RNF115: variants seen among roughly 807,000 people sequenced by gnomAD.
RNF115 encodes ring finger protein 115, also known as E3 ubiquitin-protein ligase RNF115.
Under a neutral mutation model 39.2 loss-of-function variants are expected in RNF115, and 31 were observed. The ratio of observed to expected loss-of-function variants is 0.79; its 90% CI spans 0.59 to 1.07. RNF115 has a LOEUF of 1.07. Ranked by LOEUF, RNF115 falls within the 50% of genes least tolerant of loss-of-function variation. RNF115 has a pLI of 0.00. For synonymous variants in RNF115, 124 were observed against 131.0 expected (o/e 0.95, Z 0.37); for missense variants, 384 against 381.7 (o/e 1.01, Z -0.05).
chr1:145,801,394 G>A (rs1006603482), intron 1 of RNF115, among the ~76,000 whole-genome samples: 9 of 151,558 alleles, frequency 5.9e-5, no homozygotes, highest in Non-Finnish European at 8.8e-5. Context: ...GCAAAACCCC[G>A]TCTCTACTAA....
intron 2 of RNF115, among the ~76,000 whole-genome samples, chr1:145,786,547 A>G (rs1648388418): frequency 1.3e-5 from 2 of 152,248 alleles, no homozygotes; most frequent in African/African-American, 4.8e-5. Context: ...AAAAGAATTA[A>G]GAACAAAAAC....
chr1:145,811,160 G>A (rs1448920437), intron 1 of RNF115, among the ~76,000 whole-genome samples: 25 of 151,796 alleles, frequency 1.6e-4, no homozygotes, highest in East Asian at 3.9e-4. Context: ...GTAAGCCACC[G>A]TGCCCAGTCC....
At position 145,739,019 on chromosome 1, in the gene RNF115, T is replaced by A. The variant is rs1386644764; in HGVS notation, c.*7847A>T. 6.5e-6 allele frequency: 1 copy of A among 153,788 alleles called. No homozygotes were observed. The highest frequency in any genetic ancestry group is 1.7e-4 in the East Asian group (1 of 5,740). The allele number at this position is 153,788 out of a possible 1,614,324, so 9.5% of individuals were successfully genotyped here. On this transcript the variant is annotated 3_prime_UTR_variant, in exon 9 of 9. Coordinates refer to ENST00000582693, the MANE Select transcript of RNF115 (RefSeq NM_014455.4). ...AGACAGACCTCAACATTCAACAACATCCATACAGCACTGCTGGAGGAAGAG... is the reference window on the plus strand; with the variant it reads ...AGACAGACCTCAACATTCAACAACAACCATACAGCACTGCTGGAGGAAGAG...
At chr1:145,784,083 T>G (rs1406377172) in intron 3 of RNF115, among the ~76,000 whole-genome samples, 1 of 152,144 alleles carries the variant, frequency 6.6e-6, no homozygotes, top group Non-Finnish European at 1.5e-5. Flanking sequence ...AACTACTGTG[T>G]TGACTAGAGG....
At chr1:145,764,431 G>C (rs925835720) in intron 4 of RNF115, among the ~76,000 whole-genome samples, 1 of 151,108 alleles carries the variant, frequency 6.6e-6, no homozygotes, top group Admixed American at 6.6e-5. Context: ...GAGATGTGGG[G>C]AGCGCCTCGG....
intron 3 of RNF115, among the ~76,000 whole-genome samples, chr1:145,782,911 G>C (rs1648212927): frequency 6.6e-6 from 1 of 152,182 alleles, no homozygotes; most frequent in African/African-American, 2.4e-5. Context: ...ACCCAGGCTG[G>C]AGTGCAGTAG....
chr1:145,768,057 C>A (rs587747284), intron 4 of RNF115, among the ~76,000 whole-genome samples: 2 of 152,302 alleles, frequency 1.3e-5, no homozygotes, highest in African/African-American at 4.8e-5. Context: ...AAACAAAGGC[C>A]CAGCGAGGTC....
intron 1 of RNF115, among the ~76,000 whole-genome samples, chr1:145,814,298 AT>A (rs782438011): frequency 0.014 from 2,049 of 149,942 alleles, no homozygotes; most frequent in African/African-American, 0.048. Context: ...ACTTTGCCAA[AT>A]GTTCCCTGGG....
At chr1:145,780,781 CTCT>C (rs1648107913) in intron 3 of RNF115, among the ~76,000 whole-genome samples, 1 of 152,046 alleles carries the variant, frequency 6.6e-6, no homozygotes, top group African/African-American at 2.4e-5. Context: ...TACCTGAGAG[CTCT>C]TTTTTCCAGA....
chr1:145,752,869 G>A (rs1210820285), intron 5 of RNF115, 109 bp downstream of exon 5: 2 of 741,192 alleles, frequency 2.7e-6, no homozygotes, highest in African/African-American at 1.8e-5. Context: ...TTAGAGGCAT[G>A]AGCCACCGCA....
At chr1:145,750,270 G>A in intron 7 of RNF115, 137 bp downstream of exon 7, 1 of 686,148 alleles carries the variant, frequency 1.5e-6, no homozygotes. Flanking sequence ...CCTTAATATA[G>A]GAAGGTATTG....
At chr1:145,791,910 CTTT>C (rs1415068114) in intron 1 of RNF115, among the ~76,000 whole-genome samples, 1 of 151,862 alleles carries the variant, frequency 6.6e-6, no homozygotes, top group Non-Finnish European at 1.5e-5. Flanking sequence ...CATTTTGTTT[CTTT>C]TTTATTTTTT....
chr1:145,766,640 C>A (rs1647295338), intron 4 of RNF115, among the ~76,000 whole-genome samples: 1 of 149,652 alleles, frequency 6.7e-6, no homozygotes, highest in Non-Finnish European at 1.5e-5. Context: ...CCCCCACCTC[C>A]CTCCCGGATG....
At position 145,771,768 on chromosome 1, in the gene RNF115, C is replaced by G. The variant is rs782436435; in HGVS notation, c.371G>C (p.Gly124Ala). 1 of 1,614,178 alleles carries G rather than the reference C, an allele frequency of 6.2e-7. No homozygotes were observed. ...ACTTCCTCGAGATCTGTATCTCCGA[C>G]CCAATGGCAACCGTGGAGGTCTTGC... ...WGARPPRLPL[G>A]RRYRSRGSSR... is the part of the protein sequence containing the mutation. Residue 124 changes from glycine to alanine, a missense_variant, in exon 4 of 9, where the codon GGT becomes GCT. By Grantham distance (60) the Gly-to-Ala change is moderately conservative. Coordinates refer to ENST00000582693, the MANE Select transcript of RNF115 (RefSeq NM_014455.4).
chr1:145,783,980 A>T (rs1408137548), intron 3 of RNF115, among the ~76,000 whole-genome samples: 2 of 152,206 alleles, frequency 1.3e-5, no homozygotes, highest in Non-Finnish European at 2.9e-5. Flanking sequence ...TTTCCCAAAA[A>T]ATATGGACGC....
intron 7 of RNF115, 78 bp from the exon 8 acceptor site, chr1:145,748,188 C>T (rs1553712035): frequency 1.2e-5 from 11 of 923,632 alleles, no homozygotes; most frequent in Non-Finnish European, 1.9e-5. Context: ...TCTCTACCAA[C>T]CCTACGAATG....
chr1:145,798,087 C>A (rs1553720364), intron 1 of RNF115, among the ~76,000 whole-genome samples: 1 of 152,132 alleles, frequency 6.6e-6, no homozygotes, highest in East Asian at 1.9e-4. Flanking sequence ...TTCTCCCATT[C>A]CACAGGTTGC....
At chr1:145,793,922 C>T (rs1354269396) in intron 1 of RNF115, among the ~76,000 whole-genome samples, 1 of 151,176 alleles carries the variant, frequency 6.6e-6, no homozygotes, top group Admixed American at 6.6e-5. Context: ...TGGCTCACTG[C>T]AACCTCTGCC....
intron 8 of RNF115, among the ~76,000 whole-genome samples, chr1:145,747,417 C>T (rs1203203931): frequency 6.6e-6 from 1 of 152,100 alleles, no homozygotes; most frequent in East Asian, 1.9e-4. Flanking sequence ...TTTGGGAGGC[C>T]GAGGCAGGTG....
Sources: allele counts gnomAD v4.1 joint callset (sites outside exome capture counted in the v4.1 genomes callset), GRCh38; gene constraint gnomAD v4.1.1; transcripts MANE v1.5; gene names NCBI Gene and HGNC (gene_info 2026-07-23, HGNC 2026-07-21).